Variants in DNAH7 observed in about 807,000 individuals in gnomAD.
DNAH7 encodes dynein axonemal heavy chain 7.
Under a neutral mutation model 444.6 loss-of-function variants are expected in DNAH7, and 397 were observed. The ratio of observed to expected loss-of-function variants is 0.89; its 90% CI spans 0.82 to 0.97. The LOEUF is 0.97. Ranked by LOEUF, DNAH7 falls within the 50% of genes least tolerant of loss-of-function variation. The pLI is 0.00. For synonymous variants in DNAH7, 1,636 were observed against 1,624.4 expected, an observed-to-expected ratio of 1.01 and a Z score of -0.17; for missense variants, 4,902 against 4,800.8, an observed-to-expected ratio of 1.02 and a Z score of -0.62.
At chr2:195,870,361 G>C (rs921234368) in intron 40 of DNAH7, among the ~76,000 whole-genome samples, 2 of 152,060 alleles carry the variant, frequency 1.3e-5, no homozygotes, top group South Asian at 4.2e-4. Context: ...GCATGAAAAG[G>C]GGGTATTTCA....
At chr2:196,041,863 T>C (rs2139392) in intron 5 of DNAH7, among the ~76,000 whole-genome samples, 16,194 of 143,306 alleles carry the variant, frequency 0.11, 2,043 homozygotes, top group African/African-American at 0.31. Flanking sequence ...CAACAACAAA[T>C]AATAATAATA....
intron 21 of DNAH7, among the ~76,000 whole-genome samples, chr2:195,931,838 G>A (rs1355108271): frequency 6.6e-6 from 1 of 152,190 alleles, no homozygotes; most frequent in African/African-American, 2.4e-5. Context: ...TTGTAGTATA[G>A]TTTGAAGTCA....
At chr2:196,042,657 C>A (rs745819993) in intron 5 of DNAH7, among the ~76,000 whole-genome samples, 7 of 152,022 alleles carry the variant, frequency 4.6e-5, no homozygotes, top group Non-Finnish European at 1.0e-4. Context: ...AGATAAAACA[C>A]ATCTACTAGA....
intron 1 of DNAH7, among the ~76,000 whole-genome samples, chr2:196,059,078 T>C (rs377428647): frequency 3.9e-5 from 6 of 152,218 alleles, no homozygotes; most frequent in South Asian, 2.1e-4. Context: ...TAATGGAGAA[T>C]TGGGCATATC....
intron 60 of DNAH7, among the ~76,000 whole-genome samples, chr2:195,773,915 C>CA (rs1694952063): frequency 6.6e-6 from 1 of 152,052 alleles, no homozygotes; most frequent in Admixed American, 6.5e-5. Flanking sequence ...TAGTTAAATA[C>CA]AAAAAGTCTT....
At chr2:195,940,802 C>A (rs1237758032) in intron 19 of DNAH7, among the ~76,000 whole-genome samples, 2 of 152,064 alleles carry the variant, frequency 1.3e-5, no homozygotes, top group African/African-American at 2.4e-5. Context: ...TAGAGAAATG[C>A]AAATCAAAAC....
At chr2:195,960,130 C>G (rs1480612503) in intron 18 of DNAH7, 130 bp downstream of exon 18, 3 of 771,268 alleles carry the variant, frequency 3.9e-6, no homozygotes, top group Non-Finnish European at 5.9e-6. Context: ...AATGCAAAAT[C>G]AATTCTCAAA....
Position 195,934,657 on chromosome 2 carries a change from T to C in DNAH7, c.3405A>G (p.Lys1135=), listed in dbSNP as rs768585211. The part of the protein sequence containing the change: ...VELIEIISTA[K]ARGQVEKWLV... ...ACCACTTCTCCACTTGACCTCTGGC[T>C]TTGGCTGTTGAAATAATCTCTATGA... is the stretch of plus-strand genomic sequence containing the variant. The change falls in exon 21 of 65, where the codon AAA becomes AAG. Residue 1135 remains lysine (K), a synonymous_variant. Coordinates refer to ENST00000312428, the MANE Select transcript of DNAH7 (RefSeq NM_018897.3). The C allele has an allele frequency of 3.7e-5, 59 of 1,614,014 alleles. No individual in the cohort carries two copies. Among genetic ancestry groups the C allele is most frequent in the Admixed American group, 5.0e-5 (3 of 59,990 alleles).
chr2:195,982,486 C>A (rs1350429117), intron 15 of DNAH7, among the ~76,000 whole-genome samples: 2 of 152,098 alleles, frequency 1.3e-5, no homozygotes, highest in African/African-American at 4.8e-5. Context: ...CTGGTATATA[C>A]CCCAATGAAG....
intron 46 of DNAH7, among the ~76,000 whole-genome samples, chr2:195,847,263 T>C (rs189938189): frequency 4.1e-4 from 62 of 151,470 alleles, no homozygotes; most frequent in Non-Finnish European, 5.2e-4. Context: ...AGCAAAGACA[T>C]AGAATCAACT....
chr2:195,769,208 C>A (rs1246306785), intron 61 of DNAH7, among the ~76,000 whole-genome samples: 2 of 152,018 alleles, frequency 1.3e-5, no homozygotes, highest in Non-Finnish European at 1.5e-5. Flanking sequence ...GTAATCTATG[C>A]TTGCGGAGAA....
rs1559198627 is a variant in DNAH7, at chr2:195,897,045, T to C, written c.4647+622A>G. Among the ~76,000 whole-genome samples the C allele has an allele frequency of 2.0e-5, 3 of 152,166 alleles. No individual in the cohort carries two copies. In the South Asian group the frequency reaches 6.2e-4, roughly 31 times the overall value. On this transcript the variant is annotated intron_variant, in intron 29 of 64. Transcript: ENST00000312428. ...GCCTGAATTCCAAAACAGCGTAAGTTAGTCCAACATCTAACATTTAGGAGG... is the reference window on the plus strand; with the variant it reads ...GCCTGAATTCCAAAACAGCGTAAGTCAGTCCAACATCTAACATTTAGGAGG...
chr2:195,968,577 G>A (rs1691637853), intron 17 of DNAH7, among the ~76,000 whole-genome samples: 1 of 152,066 alleles, frequency 6.6e-6, no homozygotes, highest in Non-Finnish European at 1.5e-5. Context: ...GAGCTACACT[G>A]CTTAGGGTTG....
At chr2:195,918,541 A>C (rs988974841) in intron 24 of DNAH7, among the ~76,000 whole-genome samples, 4 of 152,252 alleles carry the variant, frequency 2.6e-5, no homozygotes, top group Non-Finnish European at 5.9e-5. Context: ...TCGACAGGTG[A>C]ATGGATAAAT....
chr2:195,944,179 G>GTTCT (rs59274712), intron 19 of DNAH7, among the ~76,000 whole-genome samples: 34,735 of 151,862 alleles, frequency 0.23, 5,054 homozygotes, highest in African/African-American at 0.42. Context: ...CTTTCCTATT[G>GTTCT]TTAAGTCCAC....
chr2:195,887,207 G>C (rs2125203293), intron 33 of DNAH7, among the ~76,000 whole-genome samples: 1 of 149,358 alleles, frequency 6.7e-6, no homozygotes, highest in South Asian at 2.1e-4. Flanking sequence ...GGATGTTTCA[G>C]TTACATAGAA....
intron 5 of DNAH7, among the ~76,000 whole-genome samples, chr2:196,035,255 T>TTGGAGTC (rs1696313410): frequency 6.6e-6 from 1 of 152,142 alleles, no homozygotes; most frequent in Non-Finnish European, 1.5e-5. Flanking sequence ...GGAAAAGACT[T>TTGGAGTC]ATATGACTCC....
intron 61 of DNAH7, among the ~76,000 whole-genome samples, chr2:195,770,951 C>T (rs1184827964): frequency 5.3e-5 from 8 of 151,744 alleles, no homozygotes. Context: ...CCACCTTGGC[C>T]TCCCAAAGTG....
At chr2:195,980,840 T>G (rs939228668) in intron 15 of DNAH7, among the ~76,000 whole-genome samples, 30 of 149,836 alleles carry the variant, frequency 2.0e-4, no homozygotes, top group Middle Eastern at 7.0e-3. Context: ...TCAAAAATTG[T>G]GCACAGGAGG....
Sources: gnomAD v4.1 joint callset for allele counts (sites outside exome capture counted in the v4.1 genomes callset) on GRCh38, gnomAD v4.1.1 for gene constraint, MANE v1.5 for transcripts, NCBI Gene and HGNC (gene_info 2026-07-23, HGNC 2026-07-21) for gene names.